The following UGT1A10 variants were observed in gnomAD, a reference collection of about 807,000 sequenced individuals.
UGT1A10 encodes the protein UDP glucuronosyltransferase family 1 member A10.
Under a neutral mutation model 45.8 loss-of-function variants are expected in UGT1A10, and 49 were observed. The ratio of observed to expected loss-of-function variants is 1.07; its 90% CI spans 0.85 to 1.36. The LOEUF is 1.36. Among genes scored for constraint, UGT1A10 ranks in the 40% most tolerant of loss-of-function variants. UGT1A10 has a pLI of 0.00. For synonymous variants in UGT1A10, 284 were observed against 249.7 expected, an observed-to-expected ratio of 1.14 and a Z score of -1.29; for missense variants, 745 against 668.6, an observed-to-expected ratio of 1.11 and a Z score of -1.26.
chr2:233,674,537 T>A (rs2741050), intron 1 of UGT1A10, among the ~76,000 whole-genome samples: 93,609 of 151,996 alleles, frequency 0.62, 29,092 homozygotes, highest in South Asian at 0.65. Flanking sequence ...CCAGAGGCCT[T>A]TAGAGATATA....
At chr2:233,677,305 A>G (rs1382565135) in intron 1 of UGT1A10, among the ~76,000 whole-genome samples, 1 of 152,140 alleles carries the variant, frequency 6.6e-6, no homozygotes, top group Non-Finnish European at 1.5e-5. Context: ...TTTTTAATCC[A>G]GTTTTCAAGT....
At chr2:233,744,678 A>G (rs965177544) in intron 1 of UGT1A10, among the ~76,000 whole-genome samples, 2 of 151,880 alleles carry the variant, frequency 1.3e-5, no homozygotes, top group African/African-American at 2.4e-5. Context: ...CACATCACCC[A>G]TGTAGCTTCT....
chr2:233,745,165 T>C (rs992163806), intron 1 of UGT1A10, among the ~76,000 whole-genome samples: 1 of 151,884 alleles, frequency 6.6e-6, no homozygotes, highest in African/African-American at 2.4e-5. Flanking sequence ...CAAATGTGCA[T>C]GTTATTCACT....
intron 1 of UGT1A10, among the ~76,000 whole-genome samples, chr2:233,646,681 T>C (rs969665980): frequency 6.6e-6 from 1 of 152,198 alleles, no homozygotes; most frequent in African/African-American, 2.4e-5. Flanking sequence ...CTCATCTCCA[T>C]TTGAAACCAC....
At chr2:233,718,768 T>C in intron 1 of UGT1A10, 2 of 1,612,770 alleles carry the variant, frequency 1.2e-6, no homozygotes, top group Non-Finnish European at 1.7e-6. Flanking sequence ...AGGAAACAAA[T>C]GTAGCAGGCA....
intron 1 of UGT1A10, chr2:233,754,390 C>T (rs1695467678): frequency 3.3e-6 from 1 of 303,086 alleles, no homozygotes; most frequent in Admixed American, 4.5e-5. Context: ...AACAGAGGTC[C>T]TATCCGTGCA....
rs537974224 is a variant in UGT1A10 at position 233,641,434 on chromosome 2, A to T, written c.855+4057A>T. On this transcript the variant is annotated intron_variant, in intron 1 of 4. Transcript: ENST00000344644. ...GCTCCCTACTTTTTAACTCTTTGTG[A>T]TTTTCATTTATATCTTGTTGTACTG... 2.1e-4 allele frequency among the ~76,000 whole-genome samples: 32 copies of T among 152,172 alleles called. No homozygotes were observed. In the South Asian group the frequency reaches 6.4e-3, roughly 31 times the overall value.
At chr2:233,664,784 A>G (rs911495777) in intron 1 of UGT1A10, among the ~76,000 whole-genome samples, 6 of 152,224 alleles carry the variant, frequency 3.9e-5, no homozygotes, top group Non-Finnish European at 5.9e-5. Context: ...GGTGGGGACA[A>G]ATATCCAAGC....
rs149856651 is a variant in UGT1A10 at position 233,729,965 on chromosome 2, A to G, written c.856-37069A>G. 8 of 1,613,950 alleles carry G rather than the reference A, an allele frequency of 5.0e-6. No individual in the cohort carries two copies. In the African/African-American group the frequency reaches 9.3e-5, roughly 19 times the overall value. Reference sequence around the variant, plus strand: ...AACATGGTCTTCATTGGGGGCATCAACTGTGCCAACAGGAAGCCACTATCT... The same window carrying G: ...AACATGGTCTTCATTGGGGGCATCAGCTGTGCCAACAGGAAGCCACTATCT... On this transcript the variant is annotated intron_variant, in intron 1 of 4. Coordinates refer to ENST00000344644, the MANE Select transcript of UGT1A10 (RefSeq NM_019075.4).
intron 1 of UGT1A10, chr2:233,692,868 A>G: frequency 2.7e-6 from 4 of 1,483,334 alleles, no homozygotes; most frequent in Non-Finnish European, 3.6e-6. Flanking sequence ...TACATATCAA[A>G]GGGTAAAATT....
chr2:233,747,849 A>C, intron 1 of UGT1A10: 1 of 1,613,552 alleles, frequency 6.2e-7, no homozygotes. Flanking sequence ...AAGGGTCAAG[A>C]ACATGCTCTA....
At chr2:233,767,444 TAAA>T (rs1699395657) in intron 2 of UGT1A10, among the ~76,000 whole-genome samples, 1 of 152,186 alleles carries the variant, frequency 6.6e-6, no homozygotes, top group Non-Finnish European at 1.5e-5. Flanking sequence ...TATTTAAAAA[TAAA>T]ATAAATGGGA....
At chr2:233,700,272 A>T (rs1488856849) in intron 1 of UGT1A10, among the ~76,000 whole-genome samples, 1 of 152,218 alleles carries the variant, frequency 6.6e-6, no homozygotes, top group East Asian at 1.9e-4. Context: ...CTTAATAGGC[A>T]CTTTTTAAAA....
intron 1 of UGT1A10, among the ~76,000 whole-genome samples, chr2:233,724,281 C>G (rs1325936815): frequency 2.7e-5 from 3 of 112,012 alleles, no homozygotes; most frequent in Admixed American, 8.5e-5. Flanking sequence ...GCTGGCCGGG[C>G]GGGGGGCTGA....
chr2:233,747,207 T>A, intron 1 of UGT1A10: 1 of 1,605,232 alleles, frequency 6.2e-7, no homozygotes, highest in Non-Finnish European at 8.5e-7. Context: ...CCGTGTCTTC[T>A]GCTGAGATGG....
At chr2:233,647,501 G>A (rs1249134541) in intron 1 of UGT1A10, among the ~76,000 whole-genome samples, 2 of 152,196 alleles carry the variant, frequency 1.3e-5, no homozygotes, top group African/African-American at 4.8e-5. Flanking sequence ...TATCAGTGAA[G>A]TCATCAGAAC....
intron 1 of UGT1A10, among the ~76,000 whole-genome samples, chr2:233,645,318 G>A (rs2073571025): frequency 6.6e-6 from 1 of 152,052 alleles, no homozygotes. Context: ...AGATTTAGGT[G>A]GGGACACAGC....
intron 1 of UGT1A10, among the ~76,000 whole-genome samples, chr2:233,658,208 AG>A (rs1445240288): frequency 6.6e-6 from 1 of 151,956 alleles, no homozygotes; most frequent in Non-Finnish European, 1.5e-5. Context: ...TAGTAGACAC[AG>A]GGTTTCACCA....
chr2:233,736,749 T>C (rs1395071479), intron 1 of UGT1A10, among the ~76,000 whole-genome samples: 1 of 152,196 alleles, frequency 6.6e-6, no homozygotes, highest in African/African-American at 2.4e-5. Flanking sequence ...TTTCTGTTTG[T>C]TAGTTTTCCT....
Sources: gnomAD v4.1 joint callset for allele counts (sites outside exome capture counted in the v4.1 genomes callset) on GRCh38, gnomAD v4.1.1 for gene constraint, MANE v1.5 for transcripts, NCBI Gene and HGNC (gene_info 2026-07-23, HGNC 2026-07-21) for gene names.